Variants in PTPRK observed in about 807,000 individuals in gnomAD.
PTPRK encodes the protein receptor-type tyrosine-protein phosphatase kappa.
PTPRK carries 75 observed loss-of-function variants against 178.0 expected under a neutral mutation model. The observed-to-expected ratio is 0.42, with a 90% confidence interval of 0.35 to 0.51. The LOEUF is 0.51. Ranked by LOEUF, PTPRK falls within the 20% of genes least tolerant of loss-of-function variation. The pLI is 0.02. For synonymous variants in PTPRK, 637 were observed against 620.6 expected (o/e 1.03, Z -0.39); for missense variants, 1,441 against 1,797.8 (o/e 0.80, Z 3.59).
At chr6:128,014,585 A>G (rs181905866) in intron 13 of PTPRK, among the ~76,000 whole-genome samples, 33 of 151,798 alleles carry the variant, frequency 2.2e-4, no homozygotes, top group Admixed American at 1.8e-3. Flanking sequence ...TGCTCTAGGT[A>G]GAGATAATCT....
chr6:128,406,740 G>A (rs1257803553), intron 1 of PTPRK, among the ~76,000 whole-genome samples: 2 of 152,180 alleles, frequency 1.3e-5, no homozygotes, highest in Admixed American at 1.3e-4. Context: ...CTTTAAAGGT[G>A]TCAACTTCTA....
At chr6:128,036,328 T>C (rs1776205649) in intron 13 of PTPRK, among the ~76,000 whole-genome samples, 1 of 152,232 alleles carries the variant, frequency 6.6e-6, no homozygotes, top group Non-Finnish European at 1.5e-5. Context: ...GTCTTATGGA[T>C]AACCAAATTG....
intron 3 of PTPRK, among the ~76,000 whole-genome samples, chr6:128,255,952 T>C (rs973146153): frequency 6.6e-6 from 1 of 152,224 alleles, no homozygotes; most frequent in African/African-American, 2.4e-5. Flanking sequence ...GTTTTCTTTA[T>C]CAGATAGCCA....
rs956201795 is a variant in PTPRK, at chr6:128,078,867, G to T, written c.1829C>A (p.Ala610Asp). ...EGVDASLNET[A>D]TTITVLLRPA... ...TCTCAACAATACAGTTATTGTGGTGGCAGTTTCATTGAGAGAGGCATCAAC... is the reference window on the plus strand; with the variant it reads ...TCTCAACAATACAGTTATTGTGGTGTCAGTTTCATTGAGAGAGGCATCAAC... The change falls in exon 11 of 30, where the codon GCC becomes GAC. Residue 610 changes from alanine to aspartate, a missense_variant. Ala to Asp is a moderately radical substitution (Grantham distance 126, BLOSUM62 -2). This residue lies in a region of PTPRK where 945 missense variants were observed against 1,080.6 expected (regional missense o/e 0.87). Coordinates refer to ENST00000368226, the MANE Select transcript of PTPRK (RefSeq NM_002844.4). 1.2e-6 allele frequency: 2 copies of T among 1,612,366 alleles called. No individual in the cohort carries two copies. The highest frequency in any genetic ancestry group is 1.7e-6 in the Non-Finnish European group (2 of 1,178,818).
At chr6:128,340,167 TA>T (rs1224674688) in intron 2 of PTPRK, among the ~76,000 whole-genome samples, 4 of 152,196 alleles carry the variant, frequency 2.6e-5, no homozygotes, top group Non-Finnish European at 5.9e-5. Flanking sequence ...CTCCAGTGGC[TA>T]AAACAGCCTC....
chr6:128,019,849 T>A (rs188852578), intron 13 of PTPRK, among the ~76,000 whole-genome samples: 35 of 152,176 alleles, frequency 2.3e-4, no homozygotes, highest in African/African-American at 8.2e-4. Context: ...TGTGTTAGAT[T>A]TGGAGCTGAG....
chr6:128,169,013 A>C (rs1799817490), intron 7 of PTPRK, among the ~76,000 whole-genome samples: 1 of 152,100 alleles, frequency 6.6e-6, no homozygotes, highest in Non-Finnish European at 1.5e-5. Context: ...TTAAATGTGG[A>C]ATCTTTTTTT....
intron 3 of PTPRK, among the ~76,000 whole-genome samples, chr6:128,281,993 A>G (rs758898635): frequency 5.3e-5 from 8 of 152,192 alleles, no homozygotes; most frequent in Non-Finnish European, 1.2e-4. Flanking sequence ...TGAGAGAAAA[A>G]AAAAGAAGGA....
chr6:128,084,096 G>A (rs1785315846), intron 8 of PTPRK, among the ~76,000 whole-genome samples: 1 of 152,070 alleles, frequency 6.6e-6, no homozygotes, highest in African/African-American at 2.4e-5. Flanking sequence ...TTAGAGAGAT[G>A]CATAAATTAT....
At chr6:128,309,646 G>C (rs1826943696) in intron 3 of PTPRK, among the ~76,000 whole-genome samples, 1 of 152,094 alleles carries the variant, frequency 6.6e-6, no homozygotes, top group Non-Finnish European at 1.5e-5. Flanking sequence ...ATTATGGAAG[G>C]AGAGAACCTT....
chr6:128,413,291 T>A (rs1562470895), intron 1 of PTPRK, among the ~76,000 whole-genome samples: 1 of 152,112 alleles, frequency 6.6e-6, no homozygotes, highest in Non-Finnish European at 1.5e-5. Flanking sequence ...GACCAGGGCA[T>A]AAGAGAACAT....
At chr6:128,106,145 T>C (rs1236909919) in intron 7 of PTPRK, among the ~76,000 whole-genome samples, 1 of 152,120 alleles carries the variant, frequency 6.6e-6, no homozygotes, top group East Asian at 1.9e-4. Context: ...GAATTAAGGA[T>C]AAAATAAGAT....
chr6:128,441,178 G>C (rs1350069058), intron 1 of PTPRK, among the ~76,000 whole-genome samples: 1 of 152,204 alleles, frequency 6.6e-6, no homozygotes, highest in African/African-American at 2.4e-5. Flanking sequence ...TTAAAAATCT[G>C]CTTAAAGGTT....
chr6:128,019,814 G>C (rs934753176), intron 13 of PTPRK, among the ~76,000 whole-genome samples: 3 of 152,108 alleles, frequency 2.0e-5, no homozygotes, highest in Non-Finnish European at 4.4e-5. Context: ...TAAAATAGAA[G>C]GACAAGGTGG....
chr6:127,976,663 T>C lies in PTPRK; in HGVS notation c.3963A>G (p.Leu1321=). Residue 1321 remains leucine (L), a synonymous_variant, in exon 27 of 30, where the codon CTA becomes CTG. Transcript: ENST00000368226. ...GGATCCGATAGTGACTTACTCTTGT[T>C]AGATTGCATATCCTAAAAATCCGGT... The part of the protein sequence containing the change: ...VINRIFRICN[L]TRPQEGYLMV... The C allele has an allele frequency of 6.2e-7, 1 of 1,614,088 alleles. No homozygotes were observed. The highest frequency in any genetic ancestry group is 1.1e-5 in the South Asian group (1 of 91,074).
chr6:128,050,047 A>T (rs567579464), intron 13 of PTPRK, among the ~76,000 whole-genome samples: 1 of 152,186 alleles, frequency 6.6e-6, no homozygotes, highest in Non-Finnish European at 1.5e-5. Context: ...GAGGCAGGAG[A>T]ATTGCTTGAA....
At chr6:128,482,743 C>T (rs557017136) in intron 1 of PTPRK, among the ~76,000 whole-genome samples, 5 of 152,264 alleles carry the variant, frequency 3.3e-5, no homozygotes, top group African/African-American at 1.2e-4. Flanking sequence ...CAGAGAATTC[C>T]CTCTTCTACT....
At chr6:128,368,402 C>G (rs1316027370) in intron 2 of PTPRK, among the ~76,000 whole-genome samples, 9 of 150,270 alleles carry the variant, frequency 6.0e-5, no homozygotes, top group African/African-American at 2.2e-4. Context: ...AAAAAAAAAA[C>G]GTCAAAGTGC....
chr6:128,404,505 C>T (rs1383687013), intron 1 of PTPRK, among the ~76,000 whole-genome samples: 1 of 152,176 alleles, frequency 6.6e-6, no homozygotes. Context: ...GGAAAAAGGT[C>T]ATCAGTTCTT....
Sources: allele counts gnomAD v4.1 joint callset (sites outside exome capture counted in the v4.1 genomes callset), GRCh38; gene constraint gnomAD v4.1.1; regional missense constraint gnomAD v4.1.1; transcripts MANE v1.5; gene names NCBI Gene and HGNC (gene_info 2026-07-23, HGNC 2026-07-21).